Variants in EFCAB13 observed in about 807,000 individuals in gnomAD.
EFCAB13 encodes the protein EF-hand calcium-binding domain-containing protein 13.
Under a neutral mutation model 110.2 loss-of-function variants are expected in EFCAB13, and 91 were observed. The ratio of observed to expected loss-of-function variants is 0.83; its 90% confidence interval spans 0.70 to 0.98. The LOEUF is 0.98. Ranked by LOEUF, EFCAB13 falls within the 50% of genes least tolerant of loss-of-function variation. The probability of loss-of-function intolerance (pLI) is 0.00; values close to 1 mark genes in which losing one functional copy is unlikely to be tolerated. For synonymous variants in EFCAB13, 323 were observed against 369.9 expected (o/e 0.87, Z 1.45); for missense variants, 968 against 1,119.4 (o/e 0.86, Z 1.93).
intron 12 of EFCAB13, 45 bp downstream of exon 12, chr17:47,375,011 A>G (rs777853689): frequency 6.7e-7 from 1 of 1,498,982 alleles, no homozygotes; most frequent in Non-Finnish European, 8.9e-7. Flanking sequence ...CATCACAGAA[A>G]TGAACAGAAT....
At chr17:47,407,139 T>TA (rs1418228504) in intron 20 of EFCAB13, among the ~76,000 whole-genome samples, 1 of 152,042 alleles carries the variant, frequency 6.6e-6, no homozygotes, top group Non-Finnish European at 1.5e-5. Flanking sequence ...TAGGAGGAGT[T>TA]ATGAGGAATG....
At chr17:47,348,641 A>G (rs2065431491) in intron 9 of EFCAB13, among the ~76,000 whole-genome samples, 1 of 152,018 alleles carries the variant, frequency 6.6e-6, no homozygotes, top group Non-Finnish European at 1.5e-5. Flanking sequence ...TGGTTGTTCT[A>G]ATAGATATAC....
intron 10 of EFCAB13, among the ~76,000 whole-genome samples, chr17:47,366,778 A>G (rs886998701): frequency 6.6e-6 from 1 of 152,210 alleles, no homozygotes; most frequent in Non-Finnish European, 1.5e-5. Flanking sequence ...TGGGAGTTTC[A>G]TAATAGGTGT....
At chr17:47,324,290 A>G (rs905402114) in intron 1 of EFCAB13, among the ~76,000 whole-genome samples, 164 bp from the exon 2 acceptor site, 9 of 152,230 alleles carry the variant, frequency 5.9e-5, no homozygotes, top group African/African-American at 1.7e-4. Context: ...GAGACTGATC[A>G]GGTGGTTCCT....
intron 24 of EFCAB13, among the ~76,000 whole-genome samples, chr17:47,432,191 G>A (rs1438161356): frequency 1.3e-5 from 2 of 152,036 alleles, no homozygotes; most frequent in Non-Finnish European, 2.9e-5. Context: ...CACGAGGTCA[G>A]ATCAAGACCA....
intron 23 of EFCAB13, among the ~76,000 whole-genome samples, chr17:47,429,031 C>G (rs540746550): frequency 1.8e-4 from 28 of 152,156 alleles, no homozygotes; most frequent in Admixed American, 3.3e-4. Context: ...ATTGTTGGAT[C>G]ACATTGGAGC....
chr17:47,429,299 C>T (rs184909717), intron 23 of EFCAB13, among the ~76,000 whole-genome samples: 2 of 152,106 alleles, frequency 1.3e-5, no homozygotes, highest in African/African-American at 2.4e-5. Context: ...TAATGAAAGA[C>T]AATTTTGATT....
chr17:47,326,089 AGG>A (rs1438459604), intron 2 of EFCAB13, 135 bp from the exon 3 acceptor site: 2 of 151,720 alleles, frequency 1.3e-5, no homozygotes, highest in Non-Finnish European at 2.9e-5. Flanking sequence ...ACTGGAGAAA[AGG>A]GATACGACTC....
At chr17:47,334,016 T>C (rs1040518614) in intron 4 of EFCAB13, among the ~76,000 whole-genome samples, 3 of 152,188 alleles carry the variant, frequency 2.0e-5, no homozygotes, top group African/African-American at 4.8e-5. Context: ...TCTGTAGATA[T>C]CATTGGAAAG....
intron 17 of EFCAB13, 142 bp from the exon 18 acceptor site, chr17:47,401,987 AATT>A (rs2065781471): frequency 2.9e-6 from 2 of 700,974 alleles, no homozygotes; most frequent in Non-Finnish European, 5.0e-6. Flanking sequence ...AATCCCATAA[AATT>A]AATCCTTTGG....
At chr17:47,327,698 G>A (rs1194230639) in intron 3 of EFCAB13, among the ~76,000 whole-genome samples, 2 of 151,954 alleles carry the variant, frequency 1.3e-5, no homozygotes, top group African/African-American at 2.4e-5. Context: ...CTCATGATCC[G>A]CCCACCTCGG....
chr17:47,328,853 C>T (rs1208351919), intron 4 of EFCAB13: 2 of 152,536 alleles, frequency 1.3e-5, no homozygotes, highest in Non-Finnish European at 2.9e-5. Context: ...CAAATAAAAA[C>T]AAATCTGGAC....
At chr17:47,366,446 T>C (rs2065546674) in intron 10 of EFCAB13, among the ~76,000 whole-genome samples, 1 of 152,116 alleles carries the variant, frequency 6.6e-6, no homozygotes, top group Non-Finnish European at 1.5e-5. Flanking sequence ...AGAAATGTAG[T>C]GTTAATGGTC....
chr17:47,391,567 G>T lies in EFCAB13; in HGVS notation c.1713G>T (p.Leu571=). The T allele has an allele frequency of 1.3e-6, 2 of 1,575,536 alleles. No individual in the cohort carries two copies. The highest frequency in any genetic ancestry group is 2.5e-5 in the South Asian group (2 of 81,182). Residue 571 remains leucine, a synonymous_variant, in exon 15 of 25, where the codon CTG becomes CTT. Coordinates refer to ENST00000331493, the MANE Select transcript of EFCAB13 (RefSeq NM_152347.5). ...CAGAATTTAAGAAGATCACAGAACT[G>T]ACTGAAGCTGGTGGTGAGTGATATA... is the stretch of plus-strand genomic sequence containing the variant. ...SKPEFKKITE[L]TEAGETKKVN...
intron 17 of EFCAB13, among the ~76,000 whole-genome samples, chr17:47,399,992 T>A (rs1172863391): frequency 6.6e-6 from 1 of 152,222 alleles, no homozygotes; most frequent in African/African-American, 2.4e-5. Flanking sequence ...GGCGAAGAAT[T>A]AGAGGAAATC....
In EFCAB13 at chr17:47,347,862, T is replaced by C. The variant is rs2065426708; in HGVS notation, c.572T>C (p.Val191Ala). ...FSKIRSGKIYVNDLPVILCIL... is the reference protein window; with the variant it reads ...FSKIRSGKIYANDLPVILCIL... ...AAAATTCGAAGTGGTAAGATTTATG[T>C]GAATGATCTTCCAGTGATCCTTTGC... The change falls in exon 9 of 25, where the codon GTG becomes GCG. Residue 191 changes from valine (V) to alanine (A), a missense_variant. Coordinates refer to ENST00000331493, the MANE Select transcript of EFCAB13 (RefSeq NM_152347.5). 5.8e-6 allele frequency: 9 copies of C among 1,550,358 alleles called. No homozygotes were observed. Among genetic ancestry groups the C allele is most frequent in the Non-Finnish European group, 7.9e-6 (9 of 1,138,076 alleles).
Position 47,325,773 on chromosome 17 carries a change from A to G in EFCAB13, c.-247-453A>G, listed in dbSNP as rs1290312637. Among the ~76,000 whole-genome samples, 3 of 147,514 alleles carry G rather than the reference A, an allele frequency of 2.0e-5. No homozygotes were observed. The East Asian group carries it at 5.9e-4, about 29-fold the overall frequency. ...CTGTTCCCTGCATCTCTTCCCCTAT[A>G]CTACATTTCATATTCCCCTCCCTGC... On this transcript the variant is annotated intron_variant, in intron 2 of 24. Transcript: ENST00000331493.
chr17:47,350,552 A>G (rs1416186423), intron 9 of EFCAB13, among the ~76,000 whole-genome samples: 2 of 151,736 alleles, frequency 1.3e-5, no homozygotes, highest in Admixed American at 6.6e-5. Flanking sequence ...ATCTCCATAC[A>G]TGCCAATATA....
At chr17:47,371,112 A>G (rs969918546) in intron 11 of EFCAB13, among the ~76,000 whole-genome samples, 27 of 106,452 alleles carry the variant, frequency 2.5e-4, no homozygotes, top group Middle Eastern at 6.8e-3. Flanking sequence ...TGAATTCCTT[A>G]TAAATTCTGG....
Sources: allele counts gnomAD v4.1 joint callset (sites outside exome capture counted in the v4.1 genomes callset), GRCh38; gene constraint gnomAD v4.1.1; transcripts MANE v1.5; gene names NCBI Gene and HGNC (gene_info 2026-07-23, HGNC 2026-07-21).